NBAS: variants seen among roughly 807,000 people sequenced by gnomAD.
NBAS encodes NAG/BC035112 fusion.
In NBAS, 219 loss-of-function variants were observed where a neutral mutation model predicts 302.5. The observed-to-expected ratio is 0.72, with a 90% CI of 0.65 to 0.81. NBAS has a LOEUF of 0.81. Among genes scored for constraint, NBAS ranks in the 30% least tolerant of loss-of-function variants. The pLI is 0.00. For missense variants in NBAS, 2,932 were observed against 2,841.6 expected (o/e 1.03, Z -0.72); for synonymous variants, 1,118 against 1,021.6 (o/e 1.09, Z -1.80).
rs183368431 is a variant in NBAS at position 15,438,757 on chromosome 2, C to T, written c.2340-10963G>A. Among the ~76,000 whole-genome samples the T allele has an allele frequency of 3.3e-4, 50 of 152,278 alleles. No homozygotes were observed. In the East Asian group the frequency reaches 4.6e-3, roughly 14 times the overall value. ...TTACAGACAATGGATCAGAGAAGAA[C>T]GTGCACTGAGAAAGAAAGCTCCAAA... On this transcript the variant is annotated intron_variant, in intron 21 of 51. Coordinates refer to ENST00000281513, the MANE Select transcript of NBAS (RefSeq NM_015909.4).
the NBAS span, among the ~76,000 whole-genome samples, chr2:15,044,900 C>T: frequency 1.3e-5 from 2 of 152,164 alleles, no homozygotes; most frequent in Non-Finnish European, 2.9e-5. Context: ...TGAAATAAAA[C>T]ATAAATACAT....
intron 26 of NBAS, among the ~76,000 whole-genome samples, chr2:15,397,237 T>G (rs1034944057): frequency 6.6e-6 from 1 of 152,236 alleles, no homozygotes; most frequent in Admixed American, 6.5e-5. Flanking sequence ...TCTTTCATCC[T>G]AGACAACTCT....
intron 44 of NBAS, among the ~76,000 whole-genome samples, chr2:15,259,340 G>A (rs1332118051): frequency 2.6e-5 from 4 of 152,106 alleles, no homozygotes; most frequent in African/African-American, 4.8e-5. Flanking sequence ...GCATTAATAC[G>A]CTTGACCAAA....
intron 31 of NBAS, among the ~76,000 whole-genome samples, chr2:15,371,662 T>G (rs1409486029): frequency 1.3e-5 from 2 of 152,184 alleles, no homozygotes; most frequent in Non-Finnish European, 2.9e-5. Context: ...TCCTGTCTCC[T>G]TATCAGTGTG....
At chr2:15,024,379 G>A in the NBAS span, among the ~76,000 whole-genome samples, 356 of 152,058 alleles carry the variant, frequency 2.3e-3, no homozygotes, top group African/African-American at 7.9e-3. Context: ...GTCTTCTGTC[G>A]ATGGCCATTT....
chr2:15,555,328 A>G (rs1664596357), intron 3 of NBAS, among the ~76,000 whole-genome samples: 1 of 152,124 alleles, frequency 6.6e-6, no homozygotes, highest in South Asian at 2.1e-4. Flanking sequence ...AACACAAAAT[A>G]ATATCAAAAG....
intron 21 of NBAS, among the ~76,000 whole-genome samples, chr2:15,458,447 C>A (rs1196210093): frequency 6.6e-6 from 1 of 152,106 alleles, no homozygotes; most frequent in Non-Finnish European, 1.5e-5. Flanking sequence ...CAGCACCATC[C>A]CCTTGGTGAT....
At chr2:15,467,198 C>A (rs1401459795) in intron 19 of NBAS, 131 bp downstream of exon 19, 2 of 714,006 alleles carry the variant, frequency 2.8e-6, no homozygotes, top group Non-Finnish European at 2.4e-6. Context: ...AGAGAACTTG[C>A]TTCTATAAGA....
At chr2:15,522,487 T>C (rs1051834036) in intron 9 of NBAS, among the ~76,000 whole-genome samples, 2 of 152,202 alleles carry the variant, frequency 1.3e-5, no homozygotes, top group Non-Finnish European at 1.5e-5. Context: ...CAGGAAAAGA[T>C]GTTCAGTAAG....
the NBAS span, among the ~76,000 whole-genome samples, chr2:14,970,833 C>T: frequency 6.6e-6 from 1 of 152,194 alleles, no homozygotes; most frequent in Non-Finnish European, 1.5e-5. Context: ...TTAGTAAAGC[C>T]TTGTCCAGCC....
chr2:15,484,807 A>G (rs1032313523), intron 12 of NBAS, among the ~76,000 whole-genome samples: 1 of 152,202 alleles, frequency 6.6e-6, no homozygotes, highest in Non-Finnish European at 1.5e-5. Context: ...TGGAGCTCTT[A>G]GTAGAGTCAA....
intron 32 of NBAS, among the ~76,000 whole-genome samples, chr2:15,359,804 T>G (rs745480418): frequency 5.9e-5 from 9 of 152,112 alleles, no homozygotes; most frequent in Admixed American, 2.6e-4. Flanking sequence ...AGCATCAAGT[T>G]ATGCACATAA....
At chr2:15,507,934 T>C (rs1289206897) in intron 10 of NBAS, among the ~76,000 whole-genome samples, 2 of 152,186 alleles carry the variant, frequency 1.3e-5, no homozygotes, top group African/African-American at 2.4e-5. Context: ...GAGACTACGA[T>C]GTATGTGTCA....
In NBAS at chr2:15,335,698, A is replaced by G. The variant is rs532650848; in HGVS notation, c.4180-4933T>C. ...TTATCCATCTGTTTTATTCACTTAT[A>G]CAAGCTCTTTATATATTCTGGATAC... is the stretch of plus-strand genomic sequence containing the variant. On this transcript the variant is annotated intron_variant, in intron 35 of 51. Transcript: ENST00000281513. Among the ~76,000 whole-genome samples, 5 of 152,296 alleles carry G rather than the reference A, an allele frequency of 3.3e-5. No individual in the cohort carries two copies. In the East Asian group the frequency reaches 9.6e-4, roughly 29 times the overall value.
At chr2:14,937,978 A>C in the NBAS span, among the ~76,000 whole-genome samples, 638 of 152,162 alleles carry the variant, frequency 4.2e-3, 7 homozygotes, top group African/African-American at 0.015. Flanking sequence ...AAAATACAAA[A>C]ATTAGCCGTC....
At chr2:15,043,119 A>G in the NBAS span, among the ~76,000 whole-genome samples, 1 of 152,128 alleles carries the variant, frequency 6.6e-6, no homozygotes, top group Non-Finnish European at 1.5e-5. Context: ...TACCATTTAC[A>G]CAGCACCCTT....
At chr2:15,363,546 G>T (rs928296158) in intron 32 of NBAS, among the ~76,000 whole-genome samples, 1 of 152,088 alleles carries the variant, frequency 6.6e-6, no homozygotes, top group Non-Finnish European at 1.5e-5. Context: ...ATGAGTAAAG[G>T]ATTTAACTTA....
At position 15,506,787 on chromosome 2, in the gene NBAS, C is replaced by A. The variant is rs80282344; in HGVS notation, c.886-2574G>T. Among the ~76,000 whole-genome samples the A allele has an allele frequency of 7.6e-3, 1,155 of 151,174 alleles. 19 individuals are homozygous for A. The highest frequency in any genetic ancestry group is 0.056 in the East Asian group (291 of 5,152). On this transcript the variant is annotated intron_variant, in intron 10 of 51. Coordinates refer to ENST00000281513, the MANE Select transcript of NBAS (RefSeq NM_015909.4). The stretch of plus-strand genomic sequence containing the variant: ...TATTATGTATGTGACAATGCAGAAA[C>A]AAAACAACAAAAAAAAGAAAAAAGA...
At chr2:15,320,232 C>T (rs13430213) in intron 38 of NBAS, among the ~76,000 whole-genome samples, 35,765 of 151,924 alleles carry the variant, frequency 0.24, 4,632 homozygotes, top group Middle Eastern at 0.39. Flanking sequence ...AAACTAGGTA[C>T]TGATGGAACG....
Sources: gnomAD v4.1 joint callset for allele counts (sites outside exome capture counted in the v4.1 genomes callset) on GRCh38, gnomAD v4.1.1 for gene constraint, MANE v1.5 for transcripts, NCBI Gene and HGNC (gene_info 2026-07-23, HGNC 2026-07-21) for gene names.